HDLBP: variants seen among roughly 807,000 people sequenced by gnomAD.
The protein encoded by HDLBP is vigilin.
In HDLBP, 30 loss-of-function variants were observed where a neutral mutation model predicts 137.3. The ratio of observed to expected loss-of-function variants is 0.22; its 90% CI spans 0.16 to 0.30. The LOEUF (loss-of-function observed/expected upper bound fraction) is 0.30. HDLBP is among the 10% of genes least tolerant of loss of function. The probability of loss-of-function intolerance (pLI) is 1.00; values close to 1 mark genes in which losing one functional copy is unlikely to be tolerated. For synonymous variants in HDLBP, 606 were observed against 596.0 expected (o/e 1.02, Z -0.24); for missense variants, 1,119 against 1,667.3 (o/e 0.67, Z 5.73).
At chr2:241,278,193 A>T (rs80078876) in intron 1 of HDLBP, among the ~76,000 whole-genome samples, 1,811 of 152,346 alleles carry the variant, frequency 0.012, 21 homozygotes, top group Non-Finnish European at 0.018. Flanking sequence ...GATGAAGTTT[A>T]ATCCAGTAAT....
intron 1 of HDLBP, among the ~76,000 whole-genome samples, chr2:241,270,106 C>T (rs1323692086): frequency 2.6e-5 from 4 of 152,236 alleles, no homozygotes; most frequent in African/African-American, 7.2e-5. Context: ...CTGTGATGAG[C>T]CAATCCCCAC....
chr2:241,242,849 GGGA>G, intron 16 of HDLBP, 171 bp from the exon 17 acceptor site: 1 of 639,758 alleles, frequency 1.6e-6, no homozygotes, highest in Non-Finnish European at 2.8e-6. Flanking sequence ...ACCTGCACGG[GGGA>G]GGAGAGTGCA....
rs1285189803 is a variant in HDLBP at position 241,228,492 on chromosome 2, G to GAAGT, written c.*1105_*1108dup. 1 of 152,436 alleles carries GAAGT rather than the reference G, an allele frequency of 6.6e-6. No individual in the cohort carries two copies. The highest frequency in any genetic ancestry group is 1.5e-5 in the Non-Finnish European group (1 of 68,188). 9.4% of individuals were successfully genotyped at this position (152,436 alleles called of 1,614,324 possible). On this transcript the variant is annotated 3_prime_UTR_variant, in exon 28 of 28. Transcript: ENST00000310931. ...AGCCGGATGGCCTGTGGGCGGGGTG[G>GAAGT]AAGTGCCCACTCCCACTCCAGATGG...
chr2:241,311,370 A>T (rs1051287653), intron 1 of HDLBP, among the ~76,000 whole-genome samples: 1 of 152,190 alleles, frequency 6.6e-6, no homozygotes, highest in Non-Finnish European at 1.5e-5. Context: ...TCTGCCATGC[A>T]CTTCTCAGGC....
At chr2:241,273,294 T>C (rs937266785) in intron 1 of HDLBP, 1 of 933,546 alleles carries the variant, frequency 1.1e-6, no homozygotes, top group Non-Finnish European at 1.3e-6. Flanking sequence ...GCCTATTCCT[T>C]ATGTCCCTCA....
chr2:241,294,285 C>T (rs1176854935), intron 1 of HDLBP, among the ~76,000 whole-genome samples: 1 of 152,096 alleles, frequency 6.6e-6, no homozygotes, highest in East Asian at 1.9e-4. Flanking sequence ...CCACAGCCAA[C>T]CAGGTCCACC....
chr2:241,231,091 A>G (rs2069686534), intron 24 of HDLBP, 147 bp from the exon 25 acceptor site: 2 of 694,440 alleles, frequency 2.9e-6, no homozygotes, highest in Non-Finnish European at 4.8e-6. Context: ...GAGGTTAACA[A>G]TGTCCACTCA....
intron 3 of HDLBP, among the ~76,000 whole-genome samples, chr2:241,265,209 G>A (rs564021651): frequency 6.6e-6 from 1 of 152,250 alleles, no homozygotes; most frequent in Non-Finnish European, 1.5e-5. Context: ...ACCTGAGGTC[G>A]GGAGTTCGAG....
chr2:241,266,634 G>A (rs540276119), intron 3 of HDLBP, 160 bp downstream of exon 3: 14 of 610,548 alleles, frequency 2.3e-5, no homozygotes, highest in South Asian at 1.4e-4. Flanking sequence ...GCCCCTGCAC[G>A]CACAGCAATG....
intron 5 of HDLBP, 37 bp from the exon 6 acceptor site, chr2:241,256,843 T>C (rs1182039429): frequency 2.6e-6 from 4 of 1,564,662 alleles, no homozygotes; most frequent in Non-Finnish European, 3.5e-6. Flanking sequence ...ACAAGAATAT[T>C]TGTAGGTTCT....
At chr2:241,303,166 C>T (rs569798594) in intron 1 of HDLBP, among the ~76,000 whole-genome samples, 17 of 152,340 alleles carry the variant, frequency 1.1e-4, no homozygotes, top group Admixed American at 3.3e-4. Flanking sequence ...AGCATTTGGT[C>T]CAGCCAGCCA....
At chr2:241,313,822 T>A (rs2149737701) in intron 1 of HDLBP, among the ~76,000 whole-genome samples, 1 of 152,316 alleles carries the variant, frequency 6.6e-6, no homozygotes, top group South Asian at 2.1e-4. Flanking sequence ...GGGATTCAAG[T>A]AAGCCTAGTG....
At chr2:241,251,756 A>G (rs572037105) in intron 11 of HDLBP, among the ~76,000 whole-genome samples, 1 of 151,972 alleles carries the variant, frequency 6.6e-6, no homozygotes, top group Admixed American at 6.5e-5. Flanking sequence ...GGGCAGATCA[A>G]CTAAGGTCAG....
At chr2:241,266,965 T>G in intron 2 of HDLBP, 59 bp from the exon 3 acceptor site, 1 of 1,265,554 alleles carries the variant, frequency 7.9e-7, no homozygotes, top group Admixed American at 1.7e-5. Context: ...TCTATGAGAT[T>G]GTTAACCTAA....
chr2:241,294,698 G>A (rs924425439), intron 1 of HDLBP, among the ~76,000 whole-genome samples: 3 of 152,096 alleles, frequency 2.0e-5, no homozygotes, highest in African/African-American at 4.8e-5. Context: ...AACAAAACAC[G>A]AGCCTAATTA....
chr2:241,232,722 G>A (rs577981352), intron 24 of HDLBP, among the ~76,000 whole-genome samples: 12 of 152,208 alleles, frequency 7.9e-5, no homozygotes, highest in African/African-American at 2.9e-4. Flanking sequence ...GTTGAGGCAC[G>A]AGAATCACTT....
chr2:241,306,322 C>T (rs2075573472), intron 1 of HDLBP, among the ~76,000 whole-genome samples: 1 of 151,186 alleles, frequency 6.6e-6, no homozygotes, highest in African/African-American at 2.4e-5. Context: ...AGTGCAATGG[C>T]GTGATCTCGG....
intron 1 of HDLBP, among the ~76,000 whole-genome samples, chr2:241,302,126 C>A (rs565664390): frequency 6.6e-6 from 1 of 152,026 alleles, no homozygotes; most frequent in South Asian, 2.1e-4. Context: ...AGGTACAGTG[C>A]CTGTAGTATG....
chr2:241,266,914 A>G lies in HDLBP; in HGVS notation c.-37-8T>C. 6.3e-7 allele frequency: 1 copy of G among 1,584,980 alleles called. No homozygotes were observed. Among genetic ancestry groups the G allele is most frequent in the East Asian group, 2.2e-5 (1 of 44,766 alleles). On this transcript the variant is annotated splice_region_variant and splice_polypyrimidine_tract_variant and intron_variant, in intron 2 of 27. Coordinates refer to ENST00000310931, the MANE Select transcript of HDLBP (RefSeq NM_005336.6). ...CACAATCCGGGAAAACCACTAAAGCAAAGAAGAATAAATCAGAAGTCAAAG... is the reference window on the plus strand; with the variant it reads ...CACAATCCGGGAAAACCACTAAAGCGAAGAAGAATAAATCAGAAGTCAAAG...
Sources: allele counts gnomAD v4.1 joint callset (sites outside exome capture counted in the v4.1 genomes callset), GRCh38; gene constraint gnomAD v4.1.1; transcripts MANE v1.5; gene names NCBI Gene and HGNC (gene_info 2026-07-23, HGNC 2026-07-21).